The following MID1 variants were observed in gnomAD, a reference collection of about 807,000 sequenced individuals.
The protein encoded by MID1 is E3 ubiquitin-protein ligase Midline-1.
A neutral mutation model predicts 40.4 loss-of-function variants in MID1; 7 were observed. That is an observed-to-expected ratio of 0.17 (90% confidence interval 0.10 to 0.33). The LOEUF is 0.33. Among genes scored for constraint, MID1 ranks in the 10% least tolerant of loss-of-function variants. The pLI is 1.00. For synonymous variants in MID1, 229 were observed against 221.2 expected, an observed-to-expected ratio of 1.04 and a Z score of -0.31; for missense variants, 367 against 558.5, an observed-to-expected ratio of 0.66 and a Z score of 3.46.
intron 9 of MID1, among the ~76,000 whole-genome samples, chrX:10,451,846 A>G (rs1306846022): frequency 1.8e-5 from 2 of 111,373 alleles, no homozygotes; most frequent in Non-Finnish European, 3.8e-5. Context: ...AAGTAAGTCC[A>G]TTATAAACCT....
chrX:10,489,036 C>T (rs1419472960), intron 4 of MID1, among the ~76,000 whole-genome samples: 1 of 111,380 alleles, frequency 9.0e-6, no homozygotes, highest in Non-Finnish European at 1.9e-5. Flanking sequence ...ATCATCCACA[C>T]CTCTTCTTTG....
intron 6 of MID1, among the ~76,000 whole-genome samples, chrX:10,474,145 A>G (rs745828819): frequency 8.9e-6 from 1 of 111,979 alleles, no homozygotes; most frequent in Admixed American, 9.5e-5. Context: ...ATTTCCAGCA[A>G]GACGGCTGAT....
chrX:10,504,761 G>C (rs1238992760), intron 3 of MID1, among the ~76,000 whole-genome samples: 1 of 106,373 alleles, frequency 9.4e-6, no homozygotes, highest in Non-Finnish European at 1.9e-5. Context: ...GGAGTTGGGG[G>C]ACTTTTTTTT....
rs929729939 is a variant in MID1, at chrX:10,649,556, G to A, written c.-186-29137C>T. ...TTATAGCAACCTCTTCTTTTTGTAA[G>A]CAGGCACAATAACAGAATTGCAATT... On this transcript the variant is annotated intron_variant, in intron 1 of 10. Transcript: ENST00000380785. 4.5e-5 allele frequency among the ~76,000 whole-genome samples: 5 copies of A among 111,998 alleles called. No individual in the cohort carries two copies. The Admixed American group carries it at 4.8e-4, about 11-fold the overall frequency.
intron 1 of MID1, among the ~76,000 whole-genome samples, chrX:10,641,253 C>T (rs1338669407): frequency 1.8e-5 from 2 of 111,247 alleles, no homozygotes; most frequent in African/African-American, 6.5e-5. Context: ...AAAAGATCAA[C>T]AAAATTGATA....
intron 1 of MID1, among the ~76,000 whole-genome samples, chrX:10,828,228 C>A (rs1488209812): frequency 5.4e-5 from 6 of 111,960 alleles, no homozygotes; most frequent in Non-Finnish European, 1.1e-4. Context: ...ATATGGCCCC[C>A]ACTTGCCTTA....
At chrX:10,624,375 C>T (rs1190500308), upstream of MID1, among the ~76,000 whole-genome samples, 3 of 112,019 alleles carry the variant, frequency 2.7e-5, no homozygotes, top group Non-Finnish European at 3.8e-5. Context: ...GTACCCTAAG[C>T]TTGTTGTTTC....
intron 1 of MID1, among the ~76,000 whole-genome samples, chrX:10,707,364 TTGGTTTAAAAC>T (rs910555638): frequency 9.0e-6 from 1 of 111,662 alleles, no homozygotes; most frequent in African/African-American, 3.3e-5. Flanking sequence ...TGATATTCCA[TTGGTTTAAAAC>T]TCAGTCACAT....
intron 2 of MID1, among the ~76,000 whole-genome samples, chrX:10,564,127 T>C (rs1455417192): frequency 8.9e-6 from 1 of 112,245 alleles, no homozygotes; most frequent in Non-Finnish European, 1.9e-5. Flanking sequence ...GCTTTATCTG[T>C]GTTCTCACAT....
chrX:10,687,258 C>T (rs774841842), intron 1 of MID1, among the ~76,000 whole-genome samples: 53 of 111,604 alleles, frequency 4.7e-4, no homozygotes, highest in Non-Finnish European at 8.5e-4. Flanking sequence ...ATAAAAGAGA[C>T]AAAACCTCCC....
intron 1 of MID1, among the ~76,000 whole-genome samples, chrX:10,708,527 A>G (rs141140706): frequency 3.7e-4 from 41 of 111,069 alleles, no homozygotes; most frequent in African/African-American, 1.3e-3. Flanking sequence ...AAATGAGGGA[A>G]GTCTAGGGTC....
intron 7 of MID1, among the ~76,000 whole-genome samples, chrX:10,468,816 T>C (rs1929529727): frequency 8.9e-6 from 1 of 112,222 alleles, no homozygotes; most frequent in Admixed American, 9.4e-5. Flanking sequence ...TTACTAACAT[T>C]TTAAGTGATG....
At chrX:10,653,936 T>C in intron 1 of MID1, among the ~76,000 whole-genome samples, 1 of 112,776 alleles carries the variant, frequency 8.9e-6, no homozygotes, top group Non-Finnish European at 1.9e-5. Flanking sequence ...AATAGAACTG[T>C]TCTTTAGCTT....
intron 5 of MID1, among the ~76,000 whole-genome samples, chrX:10,480,998 A>G (rs1172568150): frequency 8.9e-6 from 1 of 112,237 alleles, no homozygotes; most frequent in Non-Finnish European, 1.9e-5. Flanking sequence ...CTTTGAATAA[A>G]TTTGAGTCAT....
intron 1 of MID1, among the ~76,000 whole-genome samples, chrX:10,747,609 T>C (rs2043567542): frequency 8.9e-6 from 1 of 112,589 alleles, no homozygotes; most frequent in Admixed American, 9.4e-5. Flanking sequence ...CTCAAATTCA[T>C]CTTTGTCGTA....
In MID1 at chrX:10,449,263, C is replaced by G. The variant is rs1307640148; in HGVS notation, c.*105G>C. 1.6e-5 allele frequency: 11 copies of G among 699,957 alleles called. No individual in the cohort carries two copies. Among genetic ancestry groups the G allele is most frequent in the Admixed American group, 2.9e-5 (1 of 33,988 alleles). The allele number at this position is 699,957 out of a possible 1,213,427, so 57.7% of individuals were successfully genotyped here. On this transcript the variant is annotated 3_prime_UTR_variant, in exon 10 of 10. Transcript: ENST00000317552. ...TATCTGAGCCGATTTCGGGACACTT[C>G]TGGTGAGATTTCATTACACTCATGA...
At chrX:10,685,877 TACACACACAC>T (rs56245034) in intron 1 of MID1, among the ~76,000 whole-genome samples, 9 of 80,489 alleles carry the variant, frequency 1.1e-4, no homozygotes, top group African/African-American at 1.9e-4. Flanking sequence ...CACATACTCA[TACACACACAC>T]ACACACACAC....
intron 1 of MID1, among the ~76,000 whole-genome samples, chrX:10,733,264 A>C (rs781399567): frequency 8.5e-4 from 95 of 111,853 alleles, no homozygotes; most frequent in Middle Eastern, 4.6e-3. Context: ...TTTGAGTAAA[A>C]AATGAACCCT....
In MID1 at chrX:10,501,708, C is replaced by T. The variant is rs1303123678; in HGVS notation, c.757-6017G>A. On this transcript the variant is annotated intron_variant, in intron 3 of 9. Transcript: ENST00000317552. Reference sequence around the variant, plus strand: ...CATATCTGCCACCAATAATCAGTTGCAGTCCCATGTAAGTTGCTACTGGGT... The same window carrying T: ...CATATCTGCCACCAATAATCAGTTGTAGTCCCATGTAAGTTGCTACTGGGT... 4.3e-5 allele frequency: 20 copies of T among 468,685 alleles called. No homozygotes were observed. The East Asian group carries it at 6.9e-4, about 16-fold the overall frequency. 38.6% of individuals were successfully genotyped at this position (468,685 alleles called of 1,213,427 possible).
Sources: allele counts gnomAD v4.1 joint callset (sites outside exome capture counted in the v4.1 genomes callset), GRCh38; gene constraint gnomAD v4.1.1; transcripts MANE v1.5; gene names NCBI Gene and HGNC (gene_info 2026-07-23, HGNC 2026-07-21).